The following ZNF385D variants were observed in gnomAD, a reference collection of about 807,000 sequenced individuals.
ZNF385D encodes zinc finger protein 659.
Under a neutral mutation model 35.8 loss-of-function variants are expected in ZNF385D, and 15 were observed. That is an observed-to-expected ratio of 0.42 (90% CI 0.28 to 0.64). The LOEUF (loss-of-function observed/expected upper bound fraction) is 0.64, where lower values mean the gene tolerates loss of function less well. Ranked by LOEUF, ZNF385D falls within the 30% of genes least tolerant of loss-of-function variation. The probability of loss-of-function intolerance (pLI) is 0.23; values close to 1 mark genes in which losing one functional copy is unlikely to be tolerated. For synonymous variants in ZNF385D, 212 were observed against 186.8 expected, an observed-to-expected ratio of 1.13 and a Z score of -1.10; for missense variants, 474 against 494.6, an observed-to-expected ratio of 0.96 and a Z score of 0.39.
intron 3 of ZNF385D, among the ~76,000 whole-genome samples, chr3:21,888,793 C>A (rs1369555076): frequency 6.6e-6 from 1 of 152,136 alleles, no homozygotes; most frequent in South Asian, 2.1e-4. Flanking sequence ...GGCGAGTTTT[C>A]CCAAAATGAG....
At chr3:22,172,782 A>C (rs6775362) in intron 2 of ZNF385D, among the ~76,000 whole-genome samples, 30,898 of 152,224 alleles carry the variant, frequency 0.2, 3,229 homozygotes, top group African/African-American at 0.24. Context: ...ATATAAATAT[A>C]AATGAAGGAG....
At chr3:21,552,678 A>G (rs1404201577) in intron 3 of ZNF385D, among the ~76,000 whole-genome samples, 2 of 152,230 alleles carry the variant, frequency 1.3e-5, no homozygotes, top group Admixed American at 6.5e-5. Context: ...AGAAACTGCA[A>G]TGAGTTATTT....
intron 3 of ZNF385D, among the ~76,000 whole-genome samples, chr3:22,129,435 A>G (rs1374978024): frequency 6.6e-6 from 1 of 152,172 alleles, no homozygotes; most frequent in East Asian, 1.9e-4. Context: ...CTTCTGGCCC[A>G]AGGTGGGTCT....
At chr3:22,154,057 G>C (rs1046188647) in intron 3 of ZNF385D, among the ~76,000 whole-genome samples, 9 of 151,996 alleles carry the variant, frequency 5.9e-5, no homozygotes, top group African/African-American at 2.2e-4. Flanking sequence ...AAGGGTTTTT[G>C]GTATATGGAA....
chr3:21,648,142 T>C (rs2065807266), intron 2 of ZNF385D, among the ~76,000 whole-genome samples: 1 of 152,136 alleles, frequency 6.6e-6, no homozygotes, highest in South Asian at 2.1e-4. Flanking sequence ...AATCTGCACG[T>C]GTCAAGGGAG....
At chr3:21,506,132 G>C (rs1420602320) in intron 4 of ZNF385D, among the ~76,000 whole-genome samples, 1 of 152,112 alleles carries the variant, frequency 6.6e-6, no homozygotes, top group East Asian at 1.9e-4. Context: ...TGCTTCTCTA[G>C]AGGAGAATTA....
intron 3 of ZNF385D, among the ~76,000 whole-genome samples, chr3:21,916,467 T>C (rs532796229): frequency 1.6e-3 from 249 of 152,298 alleles, no homozygotes; most frequent in African/African-American, 5.8e-3. Flanking sequence ...ATTAATACTT[T>C]AGAGAGAGTA....
intron 3 of ZNF385D, among the ~76,000 whole-genome samples, chr3:22,117,371 G>T (rs912600774): frequency 6.6e-6 from 1 of 151,916 alleles, no homozygotes; most frequent in Non-Finnish European, 1.5e-5. Flanking sequence ...AACCTGTTTC[G>T]TATGAGTGTT....
At chr3:21,911,239 A>C (rs1025343436) in intron 3 of ZNF385D, among the ~76,000 whole-genome samples, 16 of 152,084 alleles carry the variant, frequency 1.1e-4, no homozygotes, top group Admixed American at 9.2e-4. Context: ...AAAAAAATTA[A>C]GGTTTTTATG....
At chr3:21,753,662 G>C (rs1486696656), upstream of ZNF385D, among the ~76,000 whole-genome samples, 1 of 152,118 alleles carries the variant, frequency 6.6e-6, no homozygotes, top group East Asian at 1.9e-4. Context: ...GTTTATCTCT[G>C]GATGGAAAAC....
At chr3:22,218,516 T>C in intron 2 of ZNF385D, among the ~76,000 whole-genome samples, 1 of 152,230 alleles carries the variant, frequency 6.6e-6, no homozygotes, top group African/African-American at 2.4e-5. Flanking sequence ...CACACACAAC[T>C]GTATCTGCGA....
At chr3:22,222,665 A>G (rs1698328744) in intron 2 of ZNF385D, among the ~76,000 whole-genome samples, 2 of 152,160 alleles carry the variant, frequency 1.3e-5, no homozygotes, top group Admixed American at 1.3e-4. Context: ...GTAATATGGG[A>G]ATAACAATAA....
intron 1 of ZNF385D, among the ~76,000 whole-genome samples, chr3:21,686,379 T>C (rs544582109): frequency 9.2e-5 from 14 of 152,258 alleles, no homozygotes; most frequent in Non-Finnish European, 2.1e-4. Context: ...TGTAAAAAAA[T>C]AACCATTTGT....
At chr3:22,283,849 G>A (rs1248251528) in intron 2 of ZNF385D, among the ~76,000 whole-genome samples, 1 of 152,086 alleles carries the variant, frequency 6.6e-6, no homozygotes, top group East Asian at 1.9e-4. Context: ...TCACAAGAAA[G>A]GAAGAAAGAA....
At chr3:21,937,081 G>C (rs1004669090) in intron 3 of ZNF385D, among the ~76,000 whole-genome samples, 1 of 152,104 alleles carries the variant, frequency 6.6e-6, no homozygotes, top group South Asian at 2.1e-4. Context: ...ATAGAAGTTA[G>C]CCTCACAGCT....
Position 21,564,590 on chromosome 3 carries a change from A to G in ZNF385D, c.260T>C (p.Leu87Ser). ...KQIISCNICQ[L>S]RFNSDSQAAA... ...TAAACTTACATCAGAATTAAATCTC[A>G]ACTGGCAAATGTTGCATGATATGAT... Residue 87 changes from leucine (L) to serine (S), a missense_variant, in exon 3 of 8, where the codon TTG becomes TCG. By Grantham distance (145) the Leu-to-Ser change is moderately radical. Coordinates refer to ENST00000281523, the MANE Select transcript of ZNF385D (RefSeq NM_024697.3). 1.3e-6 allele frequency: 2 copies of G among 1,543,480 alleles called. No individual in the cohort carries two copies. Among genetic ancestry groups the G allele is most frequent in the African/African-American group, 1.4e-5 (1 of 72,136 alleles).
At chr3:21,648,171 T>C (rs973240423) in intron 2 of ZNF385D, among the ~76,000 whole-genome samples, 5 of 152,152 alleles carry the variant, frequency 3.3e-5, no homozygotes, top group African/African-American at 7.2e-5. Context: ...TGGGAGTTGA[T>C]TGGATCATGA....
intron 3 of ZNF385D, among the ~76,000 whole-genome samples, chr3:21,905,307 T>A (rs937521540): frequency 6.6e-6 from 1 of 151,850 alleles, no homozygotes; most frequent in African/African-American, 2.4e-5. Flanking sequence ...TCACTTTGTA[T>A]GCATAACTCA....
intron 3 of ZNF385D, among the ~76,000 whole-genome samples, chr3:21,758,587 A>T (rs9838432): frequency 0.68 from 102,679 of 151,834 alleles, 35,837 homozygotes; most frequent in East Asian, 0.9. Context: ...GCAGAAAGTG[A>T]TTCAGGGGAA....
Sources: gnomAD v4.1 joint callset for allele counts (sites outside exome capture counted in the v4.1 genomes callset) on GRCh38, gnomAD v4.1.1 for gene constraint, MANE v1.5 for transcripts, NCBI Gene and HGNC (gene_info 2026-07-23, HGNC 2026-07-21) for gene names.